The following MARCHF1 variants were observed in gnomAD, a reference collection of about 807,000 sequenced individuals.
MARCHF1 encodes membrane associated ring-CH-type finger 1.
A neutral mutation model predicts 54.2 loss-of-function variants in MARCHF1; 40 were observed. The observed-to-expected ratio is 0.74, with a 90% CI of 0.57 to 0.96. The LOEUF is 0.96. Among genes scored for constraint, MARCHF1 ranks in the 40% least tolerant of loss-of-function variants. The pLI is 0.00. For synonymous variants in MARCHF1, 236 were observed against 236.3 expected (o/e 1.00, Z 0.01); for missense variants, 586 against 656.5 (o/e 0.89, Z 1.17).
chr4:163,572,103 C>G (rs1413503526), intron 8 of MARCHF1, among the ~76,000 whole-genome samples: 1 of 151,890 alleles, frequency 6.6e-6, no homozygotes, highest in Non-Finnish European at 1.5e-5. Flanking sequence ...TATAGAGAGT[C>G]CTTCTTGCTT....
chr4:164,117,290 A>G (rs888475921), intron 1 of MARCHF1, among the ~76,000 whole-genome samples: 5 of 151,956 alleles, frequency 3.3e-5, no homozygotes, highest in African/African-American at 1.2e-4. Flanking sequence ...TAAATAAACA[A>G]TAGAATAATT....
At chr4:163,865,602 T>C (rs1750030259) in intron 3 of MARCHF1, among the ~76,000 whole-genome samples, 1 of 151,888 alleles carries the variant, frequency 6.6e-6, no homozygotes, top group Non-Finnish European at 1.5e-5. Flanking sequence ...GAAAATTGCA[T>C]CACTCATTAC....
intron 1 of MARCHF1, among the ~76,000 whole-genome samples, chr4:164,158,560 G>A (rs1376505062): frequency 2.6e-5 from 4 of 152,130 alleles, no homozygotes; most frequent in African/African-American, 9.7e-5. Flanking sequence ...CAAATCACTT[G>A]AACCAGGGAG....
intron 3 of MARCHF1, among the ~76,000 whole-genome samples, chr4:163,909,074 A>G (rs1751133266): frequency 6.6e-6 from 1 of 152,158 alleles, no homozygotes. Flanking sequence ...CTAATAATAT[A>G]GTTCTTGTGG....
chr4:163,681,812 G>A (rs1031451727), intron 5 of MARCHF1, among the ~76,000 whole-genome samples: 2 of 152,134 alleles, frequency 1.3e-5, no homozygotes, highest in Non-Finnish European at 2.9e-5. Context: ...GACTAATACA[G>A]TAAATTGGTA....
intron 2 of MARCHF1, among the ~76,000 whole-genome samples, chr4:164,110,264 T>C (rs1343771043): frequency 2.0e-5 from 3 of 151,944 alleles, no homozygotes; most frequent in East Asian, 3.9e-4. Context: ...AATAATCATG[T>C]AAATGGATAG....
intron 3 of MARCHF1, among the ~76,000 whole-genome samples, chr4:163,895,983 T>C (rs1337698427): frequency 6.6e-6 from 1 of 152,166 alleles, no homozygotes; most frequent in East Asian, 1.9e-4. Context: ...AATTACTTCA[T>C]TGTGAGAAGC....
intron 2 of MARCHF1, among the ~76,000 whole-genome samples, chr4:164,007,646 CTG>C (rs70948688): frequency 0.087 from 12,104 of 139,614 alleles, 549 homozygotes; most frequent in African/African-American, 0.13. Context: ...CTCTCTCTCT[CTG>C]TGTGTGTGTG....
At chr4:164,337,635 C>G (rs1030473961) in intron 1 of MARCHF1, among the ~76,000 whole-genome samples, 3 of 152,224 alleles carry the variant, frequency 2.0e-5, no homozygotes, top group Non-Finnish European at 4.4e-5. Context: ...GTGTACACCT[C>G]CTAACTAGCC....
chr4:164,258,860 A>T (rs934800833), intron 1 of MARCHF1, among the ~76,000 whole-genome samples: 2 of 152,174 alleles, frequency 1.3e-5, no homozygotes, highest in African/African-American at 4.8e-5. Context: ...AAAAACAATG[A>T]CATGTCAGAA....
At chr4:163,789,322 G>A (rs997974153) in intron 4 of MARCHF1, among the ~76,000 whole-genome samples, 12 of 151,894 alleles carry the variant, frequency 7.9e-5, no homozygotes, top group African/African-American at 2.9e-4. Flanking sequence ...ATGTAGAAGG[G>A]AACAGCACAC....
At chr4:163,754,406 G>A (rs2110794576) in intron 4 of MARCHF1, among the ~76,000 whole-genome samples, 1 of 152,206 alleles carries the variant, frequency 6.6e-6, no homozygotes, top group Non-Finnish European at 1.5e-5. Context: ...AATAAAAATT[G>A]GAAGTGAAAA....
At chr4:164,272,853 CATACA>C (rs910684488) in intron 1 of MARCHF1, among the ~76,000 whole-genome samples, 9 of 151,566 alleles carry the variant, frequency 5.9e-5, no homozygotes, top group South Asian at 4.2e-4. Flanking sequence ...TGATAAATAA[CATACA>C]ATAAAGAAAT....
intron 2 of MARCHF1, among the ~76,000 whole-genome samples, 166 bp downstream of exon 2, chr4:164,111,422 A>G (rs980591306): frequency 1.3e-5 from 2 of 151,806 alleles, no homozygotes; most frequent in Non-Finnish European, 3.0e-5. Flanking sequence ...TTCATTATTC[A>G]TTGAGACCAA....
At chr4:164,057,941 C>T (rs528371004) in intron 2 of MARCHF1, among the ~76,000 whole-genome samples, 1 of 152,122 alleles carries the variant, frequency 6.6e-6, no homozygotes, top group African/African-American at 2.4e-5. Context: ...ACTATGTAGC[C>T]ATAACAGAGC....
intron 4 of MARCHF1, among the ~76,000 whole-genome samples, chr4:163,801,866 C>T (rs1053279615): frequency 1.3e-5 from 2 of 152,044 alleles, no homozygotes; most frequent in Non-Finnish European, 2.9e-5. Flanking sequence ...TTTCAAATTT[C>T]TGGTAAGCAT....
chr4:163,697,704 G>A (rs1382128689), intron 5 of MARCHF1, among the ~76,000 whole-genome samples: 1 of 152,110 alleles, frequency 6.6e-6, no homozygotes, highest in Admixed American at 6.5e-5. Context: ...GATGGCATAA[G>A]CAGATAAAAG....
chr4:164,157,588 C>T (rs1241749527), intron 1 of MARCHF1, among the ~76,000 whole-genome samples: 2 of 152,140 alleles, frequency 1.3e-5, no homozygotes, highest in Non-Finnish European at 2.9e-5. Flanking sequence ...GGGCCACGCT[C>T]GCTCTGAAAC....
At chr4:163,600,145 CAT>C (rs1414679761) in intron 7 of MARCHF1, among the ~76,000 whole-genome samples, 6 of 152,138 alleles carry the variant, frequency 3.9e-5, no homozygotes, top group Non-Finnish European at 7.4e-5. Context: ...TACGCACACA[CAT>C]ATATCTATTT....
Sources: allele counts gnomAD v4.1 joint callset (sites outside exome capture counted in the v4.1 genomes callset), GRCh38; gene constraint gnomAD v4.1.1; transcripts MANE v1.5; gene names NCBI Gene and HGNC (gene_info 2026-07-23, HGNC 2026-07-21).